SPAG16: variants seen among roughly 807,000 people sequenced by gnomAD.
SPAG16 encodes the protein sperm associated antigen 16.
Under a neutral mutation model 80.4 loss-of-function variants are expected in SPAG16, and 86 were observed. The ratio of observed to expected loss-of-function variants is 1.07; its 90% confidence interval spans 0.90 to 1.28. The LOEUF is 1.28. Among genes scored for constraint, SPAG16 ranks in the 50% most tolerant of loss-of-function variants. The pLI is 0.00. For synonymous variants in SPAG16, 294 were observed against 265.9 expected, an observed-to-expected ratio of 1.11 and a Z score of -1.03; for missense variants, 870 against 765.3, an observed-to-expected ratio of 1.14 and a Z score of -1.61.
At chr2:213,661,263 T>G (rs1011746303) in intron 10 of SPAG16, among the ~76,000 whole-genome samples, 1 of 152,238 alleles carries the variant, frequency 6.6e-6, no homozygotes, top group Non-Finnish European at 1.5e-5. Context: ...AAGGAAGTAT[T>G]CACAGTTGTT....
At chr2:213,552,604 TATC>T (rs1223621454) in intron 10 of SPAG16, among the ~76,000 whole-genome samples, 1 of 152,228 alleles carries the variant, frequency 6.6e-6, no homozygotes, top group African/African-American at 2.4e-5. Flanking sequence ...CAAACAGTGA[TATC>T]ATCAAGATAG....
intron 10 of SPAG16, among the ~76,000 whole-genome samples, chr2:213,658,220 T>C (rs2063291734): frequency 6.6e-6 from 1 of 152,150 alleles, no homozygotes; most frequent in Non-Finnish European, 1.5e-5. Flanking sequence ...CCTCCTGTTC[T>C]TCTCTCACTG....
intron 15 of SPAG16, chr2:214,240,183 G>A (rs1257839610): frequency 6.6e-6 from 1 of 152,100 alleles, no homozygotes; most frequent in Non-Finnish European, 1.5e-5. Context: ...CCTTGCCCTG[G>A]TGGAAAGTCT....
intron 10 of SPAG16, among the ~76,000 whole-genome samples, chr2:213,756,314 CAAA>C (rs2068329470): frequency 6.6e-6 from 1 of 151,950 alleles, no homozygotes; most frequent in Non-Finnish European, 1.5e-5. Flanking sequence ...AACCCCGTCT[CAAA>C]AAAATAAATA....
intron 15 of SPAG16, among the ~76,000 whole-genome samples, chr2:214,305,934 G>C (rs1046134795): frequency 6.6e-6 from 1 of 151,922 alleles, no homozygotes; most frequent in Non-Finnish European, 1.5e-5. Context: ...TAGTATGATA[G>C]GAATAGCATT....
intron 12 of SPAG16, among the ~76,000 whole-genome samples, chr2:213,989,768 A>T (rs1433881515): frequency 6.6e-6 from 1 of 152,164 alleles, no homozygotes; most frequent in African/African-American, 2.4e-5. Flanking sequence ...TTTTCATTTT[A>T]TCTTGATTAT....
chr2:214,372,833 A>G (rs1472589281), intron 15 of SPAG16, among the ~76,000 whole-genome samples: 1 of 152,010 alleles, frequency 6.6e-6, no homozygotes. Context: ...ACTTCCCCCC[A>G]CCCCAAATAA....
intron 15 of SPAG16, among the ~76,000 whole-genome samples, chr2:214,357,779 G>C (rs1175416727): frequency 6.6e-6 from 1 of 151,698 alleles, no homozygotes; most frequent in African/African-American, 2.4e-5. Flanking sequence ...TGTGACCTCT[G>C]TTTCATAATA....
At chr2:214,262,012 C>T (rs1031736647) in intron 15 of SPAG16, among the ~76,000 whole-genome samples, 1 of 152,088 alleles carries the variant, frequency 6.6e-6, no homozygotes, top group African/African-American at 2.4e-5. Context: ...TTTTATTTTA[C>T]TGTCCTTTAG....
intron 10 of SPAG16, among the ~76,000 whole-genome samples, chr2:213,811,153 T>C (rs2072126177): frequency 6.6e-6 from 1 of 152,238 alleles, no homozygotes. Context: ...TTTACACTTC[T>C]GCTTATTTTT....
intron 15 of SPAG16, among the ~76,000 whole-genome samples, chr2:214,171,814 TA>T (rs1235410789): frequency 3.3e-5 from 5 of 152,088 alleles, no homozygotes; most frequent in Non-Finnish European, 7.4e-5. Context: ...GAACAATAAA[TA>T]AGTAAACATA....
chr2:214,007,610 C>T (rs116762025), intron 12 of SPAG16, among the ~76,000 whole-genome samples: 3,422 of 152,130 alleles, frequency 0.022, 137 homozygotes, highest in African/African-American at 0.077. Context: ...GTTTTATTCT[C>T]GTTATTGAAG....
intron 14 of SPAG16, among the ~76,000 whole-genome samples, chr2:214,124,337 A>G (rs776508392): frequency 6.6e-6 from 1 of 151,796 alleles, no homozygotes; most frequent in Non-Finnish European, 1.5e-5. Context: ...ATACAGTAAA[A>G]TCTCATTTAA....
intron 10 of SPAG16, among the ~76,000 whole-genome samples, chr2:213,690,762 T>G (rs1200745309): frequency 6.6e-6 from 1 of 152,162 alleles, no homozygotes; most frequent in African/African-American, 2.4e-5. Context: ...CCTCGTGCCC[T>G]TGGATATTAA....
In SPAG16 at chr2:214,018,716, C is replaced by T. The variant is rs867147171; in HGVS notation, c.1527+4639C>T. ...AAGCAGTAATGGTACATTTTGTCACCTCAATGTGATCAGTTACTATTGAGA... is the reference window on the plus strand; with the variant it reads ...AAGCAGTAATGGTACATTTTGTCACTTCAATGTGATCAGTTACTATTGAGA... On this transcript the variant is annotated intron_variant, in intron 13 of 15. Coordinates refer to ENST00000331683, the MANE Select transcript of SPAG16 (RefSeq NM_024532.5). 9.2e-5 allele frequency among the ~76,000 whole-genome samples: 14 copies of T among 152,236 alleles called. 1 individual carries two copies. In the Middle Eastern group the frequency reaches 0.01, roughly 111 times the overall value.
At chr2:214,287,213 A>C (rs1693431625) in intron 15 of SPAG16, among the ~76,000 whole-genome samples, 2 of 152,196 alleles carry the variant, frequency 1.3e-5, no homozygotes, top group Admixed American at 1.3e-4. Flanking sequence ...TTGACATTGA[A>C]TGATTGCTGA....
At chr2:213,713,704 T>G (rs890062595) in intron 10 of SPAG16, among the ~76,000 whole-genome samples, 23 of 152,140 alleles carry the variant, frequency 1.5e-4, no homozygotes, top group African/African-American at 5.6e-4. Context: ...GAAGCTGTAA[T>G]GACTTCCTGT....
chr2:214,405,074 A>G (rs936691352), intron 15 of SPAG16, among the ~76,000 whole-genome samples: 1 of 152,188 alleles, frequency 6.6e-6, no homozygotes, highest in Admixed American at 6.5e-5. Context: ...ATTCAGTGAT[A>G]TTCATAAAGA....
At chr2:214,301,475 A>G (rs898462027) in intron 15 of SPAG16, among the ~76,000 whole-genome samples, 1 of 152,154 alleles carries the variant, frequency 6.6e-6, no homozygotes, top group African/African-American at 2.4e-5. Flanking sequence ...CAAATCACCC[A>G]GGCAAGAGAA....
Sources: allele counts gnomAD v4.1 joint callset (sites outside exome capture counted in the v4.1 genomes callset), GRCh38; gene constraint gnomAD v4.1.1; transcripts MANE v1.5; gene names NCBI Gene and HGNC (gene_info 2026-07-23, HGNC 2026-07-21).